Variants in PARD3B observed in about 807,000 individuals in gnomAD.
The protein encoded by PARD3B is par-3 family cell polarity regulator beta, also known as partitioning defective 3 homolog B.
Under a neutral mutation model 130.2 loss-of-function variants are expected in PARD3B, and 103 were observed. The observed-to-expected ratio is 0.79, with a 90% CI of 0.67 to 0.93. The LOEUF is 0.93. Among genes scored for constraint, PARD3B ranks in the 40% least tolerant of loss-of-function variants. PARD3B has a pLI of 0.00. For missense variants in PARD3B, 1,609 were observed against 1,499.2 expected (o/e 1.07, Z -1.21); for synonymous variants, 583 against 553.2 (o/e 1.05, Z -0.76).
At chr2:205,361,197 C>G (rs1050982666) in intron 18 of PARD3B, among the ~76,000 whole-genome samples, 7 of 152,164 alleles carry the variant, frequency 4.6e-5, no homozygotes, top group Non-Finnish European at 1.5e-5. Context: ...CAAACAGACT[C>G]AGGTACTTGG....
At chr2:205,017,521 G>C (rs139143291) in intron 3 of PARD3B, among the ~76,000 whole-genome samples, 1 of 151,820 alleles carries the variant, frequency 6.6e-6, no homozygotes, top group Non-Finnish European at 1.5e-5. Context: ...TGAGGTCATC[G>C]TATCAAAGCC....
Position 205,309,401 on chromosome 2 carries a change from G to T in PARD3B, c.2630+7700G>T, listed in dbSNP as rs2042297871. 6.6e-6 allele frequency among the ~76,000 whole-genome samples: 1 copy of T among 152,120 alleles called. No homozygotes were observed. The highest frequency in any genetic ancestry group is 2.1e-4 in the South Asian group (1 of 4,830). On this transcript the variant is annotated intron_variant, in intron 18 of 22. Transcript: ENST00000406610. This position sits in a 1 kb window ranked among gnomAD's most constrained non-coding sequence, Gnocchi z 4.7. Reference sequence around the variant, plus strand: ...CTAAATCATGAACCCTTGAGGCAAAGGTATTTTTAACAATCTAGAGGCATC... The same window carrying T: ...CTAAATCATGAACCCTTGAGGCAAATGTATTTTTAACAATCTAGAGGCATC...
chr2:205,151,022 G>T (rs145170584), intron 10 of PARD3B, among the ~76,000 whole-genome samples: 1 of 152,144 alleles, frequency 6.6e-6, no homozygotes, highest in Non-Finnish European at 1.5e-5. Flanking sequence ...ATACAAATTC[G>T]TAAGAATATA....
At chr2:205,245,177 T>A (rs561852010) in intron 15 of PARD3B, among the ~76,000 whole-genome samples, 6 of 152,306 alleles carry the variant, frequency 3.9e-5, no homozygotes, top group Non-Finnish European at 8.8e-5. Flanking sequence ...CCTGGAGGCT[T>A]TCTTCAGAGA....
intron 19 of PARD3B, among the ~76,000 whole-genome samples, chr2:205,418,025 A>G (rs2106080611): frequency 6.6e-6 from 1 of 151,962 alleles, no homozygotes; most frequent in African/African-American, 2.4e-5. Flanking sequence ...TTCATTTTTT[A>G]CGTTTTCTCA....
At chr2:204,647,461 C>CTAA (rs1399515770) in intron 1 of PARD3B, among the ~76,000 whole-genome samples, 1 of 151,000 alleles carries the variant, frequency 6.6e-6, no homozygotes, top group Admixed American at 6.6e-5. Context: ...TACCTTTTGT[C>CTAA]TTATTTGCAT....
intron 1 of PARD3B, among the ~76,000 whole-genome samples, chr2:204,567,480 CTTTA>C (rs2031743949): frequency 6.6e-6 from 1 of 152,182 alleles, no homozygotes; most frequent in African/African-American, 2.4e-5. Flanking sequence ...CCTTTTGTGA[CTTTA>C]TTATTTCATT....
chr2:204,573,510 A>G (rs543003140), intron 1 of PARD3B, among the ~76,000 whole-genome samples: 1 of 152,290 alleles, frequency 6.6e-6, no homozygotes, highest in South Asian at 2.1e-4. Flanking sequence ...CAGCACCAGG[A>G]GAGAGATGGT....
chr2:204,631,408 C>T (rs910165478), intron 1 of PARD3B, among the ~76,000 whole-genome samples: 11 of 152,026 alleles, frequency 7.2e-5, no homozygotes, highest in African/African-American at 2.7e-4. Context: ...CACCACCATG[C>T]CCAGCTAATT....
chr2:204,999,668 C>T (rs1361022272), intron 3 of PARD3B, among the ~76,000 whole-genome samples: 2 of 152,114 alleles, frequency 1.3e-5, no homozygotes, highest in Non-Finnish European at 2.9e-5. Flanking sequence ...TTCTTAATTG[C>T]TATAATATTC....
At chr2:204,929,774 A>C (rs1401439965) in intron 2 of PARD3B, among the ~76,000 whole-genome samples, 1 of 152,026 alleles carries the variant, frequency 6.6e-6, no homozygotes, top group East Asian at 1.9e-4. Flanking sequence ...AATGAAAAAA[A>C]AAAAGTGTTG....
chr2:204,620,058 A>G (rs190332061), intron 1 of PARD3B, among the ~76,000 whole-genome samples: 2 of 152,108 alleles, frequency 1.3e-5, no homozygotes, highest in East Asian at 1.9e-4. Flanking sequence ...CTGGAGTGCA[A>G]TGGTGTGATC....
chr2:205,375,903 T>C (rs937865536), intron 18 of PARD3B, among the ~76,000 whole-genome samples: 2 of 152,296 alleles, frequency 1.3e-5, no homozygotes, highest in Middle Eastern at 3.4e-3. Context: ...ACACTTGTCC[T>C]GCCAGCAGTA....
chr2:205,367,193 T>G (rs1574823567), intron 18 of PARD3B, among the ~76,000 whole-genome samples: 1 of 152,202 alleles, frequency 6.6e-6, no homozygotes, highest in South Asian at 2.1e-4. Context: ...ATTTGTAAAT[T>G]AATCATTTAG....
chr2:205,305,478 C>A (rs2042156393), intron 18 of PARD3B, among the ~76,000 whole-genome samples: 1 of 152,128 alleles, frequency 6.6e-6, no homozygotes, highest in Non-Finnish European at 1.5e-5. Context: ...TTCCAGTTGC[C>A]ATTTTGAATT....
chr2:205,574,372 G>A (rs771456546), intron 22 of PARD3B, among the ~76,000 whole-genome samples: 5 of 152,188 alleles, frequency 3.3e-5, no homozygotes, highest in Non-Finnish European at 7.3e-5. Context: ...TTCAGGAAGA[G>A]ATTTCCAGGT....
rs1272373366 is a variant in PARD3B at position 205,291,330 on chromosome 2, C to G, written c.2186-9200C>G. Among the ~76,000 whole-genome samples the G allele has an allele frequency of 1.3e-5, 2 of 152,146 alleles. No individual in the cohort carries two copies. On this transcript the variant is annotated intron_variant, in intron 16 of 22. Transcript: ENST00000406610. The surrounding 1 kb of genome is among the most constrained non-coding windows in gnomAD (Gnocchi z 4.6). ...GTAAAGAAAGCTTCGATCTCTGAGT[C>G]TTCTTAGATGATACCCACATAATCT...
intron 15 of PARD3B, among the ~76,000 whole-genome samples, chr2:205,214,336 A>G (rs1470408821): frequency 6.6e-6 from 1 of 152,048 alleles, no homozygotes; most frequent in Non-Finnish European, 1.5e-5. Context: ...GCTTGCTTTT[A>G]CCTGAAGCAA....
chr2:204,710,350 G>A (rs946899265), intron 2 of PARD3B, among the ~76,000 whole-genome samples: 1 of 152,192 alleles, frequency 6.6e-6, no homozygotes, highest in Non-Finnish European at 1.5e-5. Flanking sequence ...AAAAGGTTAC[G>A]AAACAGATCT....
Sources: gnomAD v4.1 joint callset for allele counts (sites outside exome capture counted in the v4.1 genomes callset) on GRCh38, gnomAD v4.1.1 for gene constraint, Gnocchi (gnomAD v3.1) non-coding constraint, MANE v1.5 for transcripts, NCBI Gene and HGNC (gene_info 2026-07-23, HGNC 2026-07-21) for gene names.